The following MAST4 variants were observed in gnomAD, a reference collection of about 807,000 sequenced individuals.
The protein encoded by MAST4 is microtubule-associated serine/threonine-protein kinase 4.
In MAST4, 89 loss-of-function variants were observed where a neutral mutation model predicts 162.7. That is an observed-to-expected ratio of 0.55 (90% confidence interval 0.46 to 0.65). The LOEUF is 0.65. MAST4 is among the 30% of genes least tolerant of loss of function. MAST4 has a pLI of 0.00. For missense variants in MAST4, 3,153 were observed against 3,374.0 expected (o/e 0.93, Z 1.62); for synonymous variants, 1,479 against 1,361.1 (o/e 1.09, Z -1.91).
intron 5 of MAST4, among the ~76,000 whole-genome samples, chr5:67,065,196 A>T (rs921745674): frequency 6.6e-6 from 1 of 152,100 alleles, no homozygotes; most frequent in Non-Finnish European, 1.5e-5. Flanking sequence ...CTAAGATATG[A>T]TCAGTGACCA....
At chr5:66,849,594 T>A (rs2149808569) in intron 3 of MAST4, among the ~76,000 whole-genome samples, 1 of 148,592 alleles carries the variant, frequency 6.7e-6, no homozygotes, top group East Asian at 1.9e-4. Context: ...GGCAAGGCGT[T>A]CCTTCTGCAG....
intron 4 of MAST4, among the ~76,000 whole-genome samples, chr5:66,969,967 A>G (rs1337150110): frequency 6.6e-6 from 1 of 152,126 alleles, no homozygotes; most frequent in South Asian, 2.1e-4. Flanking sequence ...TGTGAATGTG[A>G]TGGTTTAATG....
At chr5:66,882,728 C>CTTCT (rs759840837) in intron 3 of MAST4, among the ~76,000 whole-genome samples, 1 of 152,102 alleles carries the variant, frequency 6.6e-6, no homozygotes, top group East Asian at 1.9e-4. Context: ...ATCTGTGTGT[C>CTTCT]TTCTCTTGGC....
At chr5:67,040,911 C>A (rs559324277) in intron 4 of MAST4, among the ~76,000 whole-genome samples, 1 of 152,360 alleles carries the variant, frequency 6.6e-6, no homozygotes, top group South Asian at 2.1e-4. Context: ...CTCCCACTTA[C>A]TAGTTCTGTG....
At chr5:66,791,743 G>A (rs1274183541) in intron 3 of MAST4, among the ~76,000 whole-genome samples, 1 of 152,198 alleles carries the variant, frequency 6.6e-6, no homozygotes, top group Non-Finnish European at 1.5e-5. Flanking sequence ...CTACTAGATA[G>A]TGAAGGTTTA....
intron 4 of MAST4, among the ~76,000 whole-genome samples, chr5:67,018,625 G>T (rs1753607520): frequency 6.6e-6 from 1 of 152,198 alleles, no homozygotes; most frequent in Admixed American, 6.5e-5. Context: ...GTTTATTGGG[G>T]AAGGAAACAG....
Position 67,160,569 on chromosome 5 carries a change from CAAG to C in MAST4, c.3768_3770del (p.Lys1257del). On this transcript the variant is annotated inframe_deletion, in exon 27 of 29. Transcript: ENST00000403625. Reference sequence around the variant, plus strand: ...GGATGGTGAGGCGGAGCAAGAAATCCAAGAAGAAAGAAAGTCTCGAAAGGTTAG... The same window carrying C: ...GGATGGTGAGGCGGAGCAAGAAATCCAAGAAAGAAAGTCTCGAAAGGTTAG... 6.2e-7 allele frequency: 1 copy of C among 1,613,150 alleles called. No individual in the cohort carries two copies. Among genetic ancestry groups the C allele is most frequent in the Non-Finnish European group, 8.5e-7 (1 of 1,179,466 alleles).
chr5:66,949,286 C>G (rs1422976867), intron 4 of MAST4, among the ~76,000 whole-genome samples: 12 of 152,232 alleles, frequency 7.9e-5, no homozygotes, highest in Admixed American at 1.3e-4. Context: ...TGTCCCCACC[C>G]AGATCTCGCC....
At chr5:66,809,666 T>C (rs1458974675) in intron 3 of MAST4, among the ~76,000 whole-genome samples, 1 of 152,232 alleles carries the variant, frequency 6.6e-6, no homozygotes, top group African/African-American at 2.4e-5. Flanking sequence ...TATCTCTCTC[T>C]TCTCCCTGTG....
Position 66,703,696 on chromosome 5 carries a change from C to G in MAST4, c.364-56013C>G, listed in dbSNP as rs566027182. 5.3e-5 allele frequency among the ~76,000 whole-genome samples: 8 copies of G among 152,290 alleles called. No individual in the cohort carries two copies. The South Asian group carries it at 1.0e-3, about 20-fold the overall frequency. ...TTGCCCTCATGCTCATTTACAGTCA[C>G]TCCCTGTTCTCTCCAGAAGAATGGT... On this transcript the variant is annotated intron_variant, in intron 1 of 28. Transcript: ENST00000403625.
chr5:66,752,157 A>G (rs1299350754), intron 1 of MAST4, among the ~76,000 whole-genome samples: 1 of 152,212 alleles, frequency 6.6e-6, no homozygotes, highest in Non-Finnish European at 1.5e-5. Flanking sequence ...CTAAACATGG[A>G]AAGGAACAAC....
intron 3 of MAST4, among the ~76,000 whole-genome samples, chr5:66,806,504 C>G (rs1756193107): frequency 6.6e-6 from 1 of 152,138 alleles, no homozygotes; most frequent in Non-Finnish European, 1.5e-5. Flanking sequence ...GACTGGGAAT[C>G]CTACACCAGG....
rs1020047495 is a variant in MAST4 at position 67,167,190 on chromosome 5, A to G, written c.*139A>G. ...CCTCATTGAGACAGGGGAGAGAGAA[A>G]GACAAAGAGGGGACCTTCTTCCAGA... On this transcript the variant is annotated 3_prime_UTR_variant, in exon 29 of 29. Coordinates refer to ENST00000403625, the MANE Select transcript of MAST4 (RefSeq NM_001164664.2). 9 of 595,836 alleles carry G rather than the reference A, an allele frequency of 1.5e-5. No individual in the cohort carries two copies. The highest frequency in any genetic ancestry group is 2.3e-5 in the Non-Finnish European group (9 of 394,408). 36.9% of individuals were successfully genotyped at this position (595,836 alleles called of 1,614,324 possible). A position where few individuals can be genotyped will look rare whatever the true frequency, so the allele number is the denominator to read the frequency against.
At chr5:67,162,480 T>A (rs1561194238) in intron 27 of MAST4, 127 bp from the exon 28 acceptor site, 4 of 773,394 alleles carry the variant, frequency 5.2e-6, no homozygotes, top group Non-Finnish European at 8.3e-6. Context: ...TGTTCTGCTC[T>A]TTAATAGGAT....
chr5:66,918,253 G>A (rs1764248264), intron 4 of MAST4, among the ~76,000 whole-genome samples: 1 of 152,058 alleles, frequency 6.6e-6, no homozygotes, highest in South Asian at 2.1e-4. Context: ...GTCTGTTTAT[G>A]TACCAAATTA....
intron 4 of MAST4, among the ~76,000 whole-genome samples, chr5:66,910,873 A>G (rs1447864885): frequency 6.6e-6 from 1 of 150,658 alleles, no homozygotes; most frequent in African/African-American, 2.5e-5. Flanking sequence ...TCAGCCTCCC[A>G]AGTAGCTGGG....
intron 1 of MAST4, among the ~76,000 whole-genome samples, chr5:66,701,002 T>G (rs1050369464): frequency 4.6e-5 from 7 of 152,102 alleles, no homozygotes; most frequent in Admixed American, 4.6e-4. Context: ...TGTTGCATTA[T>G]AAGTGCTATT....
intron 4 of MAST4, among the ~76,000 whole-genome samples, chr5:66,920,160 C>A (rs922927850): frequency 3.3e-5 from 5 of 152,014 alleles, no homozygotes; most frequent in African/African-American, 1.2e-4. Flanking sequence ...AAGAGTCAAT[C>A]GTGATATATT....
intron 1 of MAST4, among the ~76,000 whole-genome samples, chr5:66,664,709 A>G (rs1434499886): frequency 6.6e-6 from 1 of 151,948 alleles, no homozygotes; most frequent in Non-Finnish European, 1.5e-5. Flanking sequence ...AAACCAAGAG[A>G]AGAAAAAACC....
Sources: gnomAD v4.1 joint callset for allele counts (sites outside exome capture counted in the v4.1 genomes callset) on GRCh38, gnomAD v4.1.1 for gene constraint, MANE v1.5 for transcripts, NCBI Gene and HGNC (gene_info 2026-07-23, HGNC 2026-07-21) for gene names.